The following CDIN1 variants were observed in gnomAD, a reference collection of about 807,000 sequenced individuals.
The protein encoded by CDIN1 is CDAN1-interacting nuclease 1.
In CDIN1, 33 loss-of-function variants were observed where a neutral mutation model predicts 45.3. The ratio of observed to expected loss-of-function variants is 0.73; its 90% CI spans 0.55 to 0.97. CDIN1 has a LOEUF of 0.97. CDIN1 is among the 50% of genes least tolerant of loss of function. The pLI is 0.00. For synonymous variants in CDIN1, 118 were observed against 124.4 expected (o/e 0.95, Z 0.34); for missense variants, 303 against 339.4 (o/e 0.89, Z 0.84).
At position 36,691,765 on chromosome 15, in the gene CDIN1, G is replaced by A; in HGVS notation, c.426+1G>A. The A allele has an allele frequency of 1.3e-6, 2 of 1,584,396 alleles. No individual in the cohort carries two copies. The highest frequency in any genetic ancestry group is 8.6e-7 in the Non-Finnish European group (1 of 1,159,718). On this transcript the variant is annotated splice_donor_variant, in intron 6 of 10. Coordinates refer to ENST00000566621, the MANE Select transcript of CDIN1 (RefSeq NM_001321759.2). LOFTEE classifies it high-confidence loss of function. Reference sequence around the variant, plus strand: ...AGTTCTAGCAAATCAGGTCTATCAGGTATTAATCACAGCTGTCTATTTTCA... The same window carrying A: ...AGTTCTAGCAAATCAGGTCTATCAGATATTAATCACAGCTGTCTATTTTCA...
chr15:36,624,710 G>A (rs956375054), intron 1 of CDIN1, among the ~76,000 whole-genome samples: 2 of 152,060 alleles, frequency 1.3e-5, no homozygotes, highest in Non-Finnish European at 2.9e-5. Flanking sequence ...TGGGGGTTGG[G>A]ATGGGAGTAA....
At chr15:36,705,626 A>G (rs1438256280) in intron 8 of CDIN1, 1 of 152,152 alleles carries the variant, frequency 6.6e-6, no homozygotes, top group Non-Finnish European at 1.5e-5. Flanking sequence ...TTTCTGAGGC[A>G]ACCATTATCT....
intron 1 of CDIN1, among the ~76,000 whole-genome samples, chr15:36,629,506 T>C (rs2039590244): frequency 6.6e-6 from 1 of 152,210 alleles, no homozygotes; most frequent in Non-Finnish European, 1.5e-5. Context: ...ATTATCTCGC[T>C]CATGGTAATA....
In CDIN1 at chr15:36,692,142, G is replaced by C. The variant is rs375125282; in HGVS notation, c.443G>C (p.Cys148Ser). Residue 148 changes from cysteine (C) to serine (S), a missense_variant, in exon 7 of 11, where the codon TGC becomes TCC. By Grantham distance (112) the Cys-to-Ser change is moderately radical. Transcript: ENST00000566621. ...TGTCTGCAGTGCATTGTGAACGACT[G>C]CTGTTACGGACCACTAGTGGACTGC... ...NQVYQCIVNDCCYGPLVDCIK... is the reference protein window; with the variant it reads ...NQVYQCIVNDSCYGPLVDCIK... 7 of 1,613,678 alleles carry C rather than the reference G, an allele frequency of 4.3e-6. No individual in the cohort carries two copies. Among genetic ancestry groups the C allele is most frequent in the Non-Finnish European group, 5.9e-6 (7 of 1,179,848 alleles).
intron 1 of CDIN1, chr15:36,641,983 T>C (rs2040129226): frequency 6.6e-6 from 1 of 152,248 alleles, no homozygotes; most frequent in Admixed American, 6.5e-5. Flanking sequence ...GAATTTATTC[T>C]GTAACTTCTG....
At chr15:36,613,286 A>C (rs1007355953) in intron 1 of CDIN1, among the ~76,000 whole-genome samples, 1 of 152,204 alleles carries the variant, frequency 6.6e-6, no homozygotes, top group Non-Finnish European at 1.5e-5. Flanking sequence ...GTCATTCTTC[A>C]CTAAGTCATC....
chr15:36,734,486 G>T (rs968978382), intron 10 of CDIN1: 7 of 312,062 alleles, frequency 2.2e-5, no homozygotes, highest in Non-Finnish European at 3.8e-5. Context: ...CTGAATTACA[G>T]CAGAGAAGGT....
chr15:36,697,512 A>G, intron 8 of CDIN1, 122 bp downstream of exon 8: 2 of 802,456 alleles, frequency 2.5e-6, no homozygotes, highest in East Asian at 5.6e-5. Flanking sequence ...ATTATCTTTT[A>G]TTGATTTGGA....
chr15:36,663,433 G>A (rs773014997), intron 5 of CDIN1, among the ~76,000 whole-genome samples: 4 of 152,080 alleles, frequency 2.6e-5, no homozygotes, highest in Non-Finnish European at 5.9e-5. Flanking sequence ...GTAGTTCCCC[G>A]TAATCCCCAC....
intron 8 of CDIN1, among the ~76,000 whole-genome samples, chr15:36,703,436 A>AT: frequency 1.5e-5 from 1 of 66,054 alleles, no homozygotes; most frequent in Non-Finnish European, 3.1e-5. Context: ...TATATATCAG[A>AT]AAGGGATCTG....
rs1207252598 is a variant in CDIN1 at position 36,808,565 on chromosome 15, T to C, written c.*112T>C. The C allele has an allele frequency of 1.4e-5, 20 of 1,386,346 alleles. 1 individual carries two copies. The Admixed American group carries it at 2.9e-4, about 20-fold the overall frequency. 85.9% of individuals were successfully genotyped at this position (1,386,346 alleles called of 1,614,324 possible). On this transcript the variant is annotated 3_prime_UTR_variant, in exon 11 of 11. Coordinates refer to ENST00000566621, the MANE Select transcript of CDIN1 (RefSeq NM_001321759.2). ...TCTGCCCTGAACTTCAGCTGAACTC[T>C]TGCTGCCCGTAGTCACACCACTACC... is the stretch of plus-strand genomic sequence containing the variant.
chr15:36,738,024 A>G (rs1470140551), intron 10 of CDIN1, among the ~76,000 whole-genome samples: 1 of 152,082 alleles, frequency 6.6e-6, no homozygotes, highest in African/African-American at 2.4e-5. Flanking sequence ...TTTTCTCCCA[A>G]TCTTCGTAAC....
chr15:36,773,022 G>T (rs1472341462), intron 10 of CDIN1, among the ~76,000 whole-genome samples: 1 of 151,724 alleles, frequency 6.6e-6, no homozygotes, highest in Admixed American at 6.6e-5. Flanking sequence ...TAGTGTTCAG[G>T]CAGACTTTTA....
chr15:36,620,043 G>A lies in CDIN1; in HGVS notation c.102-24235G>A, dbSNP rs184718408. Among the ~76,000 whole-genome samples, 3 of 151,972 alleles carry A rather than the reference G, an allele frequency of 2.0e-5. No individual in the cohort carries two copies. In the South Asian group the frequency reaches 6.2e-4, roughly 32 times the overall value. Reference sequence around the variant, plus strand: ...CAGTTTGATACTCAAGGAAAGAATGGGGTTTCTTAAAAACATTGAAAATTT... The same window carrying A: ...CAGTTTGATACTCAAGGAAAGAATGAGGTTTCTTAAAAACATTGAAAATTT... On this transcript the variant is annotated intron_variant, in intron 1 of 10. Coordinates refer to ENST00000566621, the MANE Select transcript of CDIN1 (RefSeq NM_001321759.2).
At chr15:36,748,174 G>T (rs770775373) in intron 10 of CDIN1, among the ~76,000 whole-genome samples, 1 of 152,152 alleles carries the variant, frequency 6.6e-6, no homozygotes, top group Admixed American at 6.5e-5. Context: ...TTCTTGTAAA[G>T]TTTGAGTGAG....
chr15:36,708,255 C>CA (rs2140824068), intron 8 of CDIN1: 1 of 152,168 alleles, frequency 6.6e-6, no homozygotes, highest in African/African-American at 2.4e-5. Flanking sequence ...ATGACAATGT[C>CA]AACAGCCCAG....
chr15:36,585,573 A>G (rs1164025053), intron 1 of CDIN1, among the ~76,000 whole-genome samples: 2 of 152,174 alleles, frequency 1.3e-5, no homozygotes, highest in African/African-American at 2.4e-5. Context: ...TACTTAGTGC[A>G]TTACATCAGG....
rs112929865 is a variant in CDIN1 at position 36,709,463 on chromosome 15, C to T, written c.610+175C>T. On this transcript the variant is annotated intron_variant, in intron 9 of 10. Transcript: ENST00000566621. Reference sequence around the variant, plus strand: ...AAGAAATCTGTCTTAAAATCTTTTGCATATATTGAGAAATAAACATGTTTT... The same window carrying T: ...AAGAAATCTGTCTTAAAATCTTTTGTATATATTGAGAAATAAACATGTTTT... Among the ~76,000 whole-genome samples, 329 of 152,202 alleles carry T rather than the reference C, an allele frequency of 2.2e-3. 1 individual carries two copies. Among genetic ancestry groups the T allele is most frequent in the African/African-American group, 7.2e-3 (300 of 41,552 alleles).
intron 5 of CDIN1, among the ~76,000 whole-genome samples, chr15:36,663,596 C>A (rs982279852): frequency 7.9e-5 from 12 of 152,120 alleles, no homozygotes; most frequent in African/African-American, 2.9e-4. Flanking sequence ...TTCCTGCCAC[C>A]ATGTGAAGAA....
Sources: gnomAD v4.1 joint callset for allele counts (sites outside exome capture counted in the v4.1 genomes callset) on GRCh38, gnomAD v4.1.1 for gene constraint, MANE v1.5 for transcripts, NCBI Gene and HGNC (gene_info 2026-07-23, HGNC 2026-07-21) for gene names.